The following TBCA variants were observed in gnomAD, a reference collection of about 807,000 sequenced individuals.
TBCA encodes the protein tubulin folding cofactor A, also known as tubulin-specific chaperone A.
In TBCA, 6 loss-of-function variants were observed where a neutral mutation model predicts 15.8. That is an observed-to-expected ratio of 0.38 (90% CI 0.21 to 0.75). The LOEUF (loss-of-function observed/expected upper bound fraction) is 0.75. Among genes scored for constraint, TBCA ranks in the 30% least tolerant of loss-of-function variants. The probability of loss-of-function intolerance (pLI) is 0.46; values close to 1 mark genes in which losing one functional copy is unlikely to be tolerated. For missense variants in TBCA, 90 were observed against 131.2 expected (o/e 0.69, Z 1.53); for synonymous variants, 32 against 42.3 (o/e 0.76, Z 0.94).
chr5:77,699,033 C>CAAA (rs71608119), intron 2 of TBCA, among the ~76,000 whole-genome samples: 1,119 of 69,992 alleles, frequency 0.016, 81 homozygotes, highest in African/African-American at 0.055. Context: ...GCAAGAGCAT[C>CAAA]AAAAAAAAAA....
chr5:77,757,656 T>C (rs1747507599), intron 1 of TBCA, among the ~76,000 whole-genome samples: 1 of 152,110 alleles, frequency 6.6e-6, no homozygotes, highest in Non-Finnish European at 1.5e-5. Context: ...CACCAATAGA[T>C]TTGTCAAAGG....
chr5:77,775,379 C>T (rs1747997032), intron 1 of TBCA, among the ~76,000 whole-genome samples: 1 of 152,164 alleles, frequency 6.6e-6, no homozygotes, highest in South Asian at 2.1e-4. Flanking sequence ...AGTTGTCCTG[C>T]CTTTCTGGAG....
chr5:77,697,693 T>A (rs931021307), intron 2 of TBCA, among the ~76,000 whole-genome samples: 5 of 152,052 alleles, frequency 3.3e-5, no homozygotes, highest in African/African-American at 1.2e-4. Context: ...TTGTTTTAAT[T>A]TAATTTAAAT....
Position 77,691,883 on chromosome 5 carries a change from A to G in TBCA, c.247-385T>C, listed in dbSNP as rs1745758773. 10 of 993,932 alleles carry G rather than the reference A, an allele frequency of 1.0e-5. No homozygotes were observed. The South Asian group carries it at 3.6e-4, about 36-fold the overall frequency. 61.6% of individuals were successfully genotyped at this position (993,932 alleles called of 1,614,324 possible). A position where few individuals can be genotyped will look rare whatever the true frequency, so the allele number is the denominator to read the frequency against. ...ACATGTTACATATATGACAGCATTC[A>G]GGCCAAAATAATCCACTGACTATTC... On this transcript the variant is annotated intron_variant, in intron 3 of 3. Transcript: ENST00000380377.
intron 1 of TBCA, among the ~76,000 whole-genome samples, chr5:77,717,837 GA>G (rs914845536): frequency 6.2e-5 from 7 of 113,150 alleles, no homozygotes; most frequent in Admixed American, 9.4e-5. Context: ...TGTCTCAAAA[GA>G]AAAAAAAAAG....
intron 1 of TBCA, among the ~76,000 whole-genome samples, chr5:77,720,043 A>T (rs1468210148): frequency 6.6e-6 from 1 of 152,142 alleles, no homozygotes; most frequent in Non-Finnish European, 1.5e-5. Flanking sequence ...CTGCCTTTGT[A>T]ACATCTCTAT....
At chr5:77,750,439 G>A (rs900798683) in intron 1 of TBCA, among the ~76,000 whole-genome samples, 3 of 152,146 alleles carry the variant, frequency 2.0e-5, no homozygotes, top group Non-Finnish European at 2.9e-5. Context: ...TACTAGTGGA[G>A]ATTAATGTAC....
chr5:77,706,810 T>TA (rs370852221), intron 2 of TBCA, among the ~76,000 whole-genome samples: 19,920 of 108,280 alleles, frequency 0.18, 1,890 homozygotes, highest in Middle Eastern at 0.29. Flanking sequence ...GACTCCATCT[T>TA]AAAAAAAAAA....
rs1379019375 is a variant in TBCA, at chr5:77,776,288, G to T, written c.-31C>A. 4 of 1,564,764 alleles carry T rather than the reference G, an allele frequency of 2.6e-6. No homozygotes were observed. Among genetic ancestry groups the T allele is most frequent in the East Asian group, 2.4e-5 (1 of 41,968 alleles). On this transcript the variant is annotated 5_prime_UTR_variant, in exon 1 of 4. Transcript: ENST00000380377. ...CTCGAGCGCCGCGAGAAGGAGGGGCGGAGAGCCGGGGTAACCGTGGAGGGC... is the reference window on the plus strand; with the variant it reads ...CTCGAGCGCCGCGAGAAGGAGGGGCTGAGAGCCGGGGTAACCGTGGAGGGC...
intron 1 of TBCA, among the ~76,000 whole-genome samples, chr5:77,726,501 G>A (rs1746633642): frequency 6.6e-6 from 1 of 152,110 alleles, no homozygotes; most frequent in Admixed American, 6.5e-5. Context: ...AGAGAGTAAT[G>A]AAAACCTTAA....
intron 1 of TBCA, among the ~76,000 whole-genome samples, chr5:77,727,565 T>C (rs1206923858): frequency 6.6e-6 from 1 of 152,174 alleles, no homozygotes; most frequent in Non-Finnish European, 1.5e-5. Context: ...CCTAAATCTA[T>C]TGCAGGGAAC....
At chr5:77,749,185 T>C (rs1457284330) in intron 1 of TBCA, among the ~76,000 whole-genome samples, 9 of 152,340 alleles carry the variant, frequency 5.9e-5, no homozygotes, top group Non-Finnish European at 1.5e-5. Flanking sequence ...CACTTTTTAA[T>C]GTTAAAACAC....
At chr5:77,762,732 C>T (rs1747670416) in intron 1 of TBCA, among the ~76,000 whole-genome samples, 1 of 152,038 alleles carries the variant, frequency 6.6e-6, no homozygotes. Flanking sequence ...TATAGGCCTC[C>T]CCTCACTCTC....
At chr5:77,714,383 T>C (rs1245730564) in intron 1 of TBCA, among the ~76,000 whole-genome samples, 1 of 151,940 alleles carries the variant, frequency 6.6e-6, no homozygotes, top group East Asian at 1.9e-4. Flanking sequence ...AAAAAGAGAA[T>C]AGGTCATCTG....
At chr5:77,704,256 C>T (rs1212343555) in intron 2 of TBCA, among the ~76,000 whole-genome samples, 4 of 152,168 alleles carry the variant, frequency 2.6e-5, no homozygotes, top group African/African-American at 9.7e-5. Context: ...AGACGTGAGC[C>T]ACTGCACCTG....
intron 1 of TBCA, among the ~76,000 whole-genome samples, chr5:77,749,263 C>T (rs74315766): frequency 0.016 from 2,504 of 152,304 alleles, 68 homozygotes; most frequent in African/African-American, 0.057. Flanking sequence ...GTCACAACAG[C>T]AACAAGAGGT....
chr5:77,753,315 TAA>T (rs1747399169), intron 1 of TBCA, among the ~76,000 whole-genome samples: 3 of 152,346 alleles, frequency 2.0e-5, no homozygotes, highest in South Asian at 4.1e-4. Flanking sequence ...TACTTTTCTT[TAA>T]GTCAATTGAT....
chr5:77,694,887 C>T (rs1052612611), intron 2 of TBCA, among the ~76,000 whole-genome samples: 2 of 152,118 alleles, frequency 1.3e-5, no homozygotes, highest in Admixed American at 1.3e-4. Context: ...TAATAAGGCA[C>T]AGGTTGAAAA....
intron 3 of TBCA, 192 bp from the exon 4 acceptor site, chr5:77,691,690 A>C (rs1365379167): frequency 3.0e-6 from 4 of 1,333,318 alleles, no homozygotes; most frequent in African/African-American, 1.5e-5. Context: ...GAAAGGAAGA[A>C]ATAACTGGTG....
Sources: allele counts gnomAD v4.1 joint callset (sites outside exome capture counted in the v4.1 genomes callset), GRCh38; gene constraint gnomAD v4.1.1; transcripts MANE v1.5; gene names NCBI Gene and HGNC (gene_info 2026-07-23, HGNC 2026-07-21).